The following EML4 variants were observed in gnomAD, a reference collection of about 807,000 sequenced individuals.
EML4 encodes the protein echinoderm microtubule-associated protein-like 4.
In EML4, 72 loss-of-function variants were observed where a neutral mutation model predicts 129.0. The observed-to-expected ratio is 0.56, with a 90% confidence interval of 0.46 to 0.68. EML4 has a LOEUF of 0.68. EML4 is among the 30% of genes least tolerant of loss of function. The pLI is 0.00. For synonymous variants in EML4, 532 were observed against 405.0 expected, an observed-to-expected ratio of 1.31 and a Z score of -3.77; for missense variants, 1,363 against 1,190.6, an observed-to-expected ratio of 1.14 and a Z score of -2.13.
At chr2:42,248,463 G>A (rs1332453386) in intron 2 of EML4, among the ~76,000 whole-genome samples, 2 of 152,148 alleles carry the variant, frequency 1.3e-5, no homozygotes, top group Non-Finnish European at 2.9e-5. Context: ...TATAAATACA[G>A]TTAACTAGCT....
At chr2:42,241,661 C>A (rs186496096) in intron 1 of EML4, among the ~76,000 whole-genome samples, 11 of 152,224 alleles carry the variant, frequency 7.2e-5, no homozygotes, top group Non-Finnish European at 1.2e-4. Context: ...AAGCCCCTTG[C>A]GTGGCTTTGT....
At chr2:42,177,743 G>T in intron 1 of EML4, among the ~76,000 whole-genome samples, 1 of 152,170 alleles carries the variant, frequency 6.6e-6, no homozygotes, top group South Asian at 2.1e-4. Context: ...AGATTCTAGG[G>T]TATTTTCAAG....
intron 1 of EML4, among the ~76,000 whole-genome samples, chr2:42,190,367 A>G (rs940380022): frequency 5.9e-5 from 9 of 152,168 alleles, no homozygotes; most frequent in Admixed American, 4.6e-4. Flanking sequence ...TAGTGATGGC[A>G]AAAGAAACGG....
chr2:42,275,876 G>A (rs1468331691), intron 6 of EML4, among the ~76,000 whole-genome samples: 1 of 151,788 alleles, frequency 6.6e-6, no homozygotes, highest in African/African-American at 2.4e-5. Context: ...TTCCTTTTCT[G>A]GACCACCAGA....
At chr2:42,292,814 T>C (rs1667726386) in intron 11 of EML4, among the ~76,000 whole-genome samples, 1 of 152,230 alleles carries the variant, frequency 6.6e-6, no homozygotes, top group Admixed American at 6.5e-5. Flanking sequence ...GCAATACTCA[T>C]ACGCAAAGTG....
chr2:42,174,453 G>A (rs1186724990), intron 1 of EML4, among the ~76,000 whole-genome samples: 1 of 152,008 alleles, frequency 6.6e-6, no homozygotes, highest in Non-Finnish European at 1.5e-5. Flanking sequence ...ACCACACCTG[G>A]CTAATTTTTG....
chr2:42,241,582 A>G (rs1675035528), intron 1 of EML4, among the ~76,000 whole-genome samples: 1 of 152,128 alleles, frequency 6.6e-6, no homozygotes, highest in Admixed American at 6.5e-5. Flanking sequence ...TCCTGTTCCA[A>G]TCTATTTTCA....
At chr2:42,315,221 A>G (rs193139604) in intron 17 of EML4, among the ~76,000 whole-genome samples, 1 of 152,090 alleles carries the variant, frequency 6.6e-6, no homozygotes, top group African/African-American at 2.4e-5. Context: ...TTCCCTAAGG[A>G]TGTTTTTCTG....
intron 1 of EML4, among the ~76,000 whole-genome samples, chr2:42,204,770 A>G (rs571841889): frequency 1.2e-4 from 18 of 152,298 alleles, no homozygotes; most frequent in African/African-American, 4.1e-4. Flanking sequence ...GAAATGGATG[A>G]TTCTTCTAAC....
chr2:42,298,332 A>G (rs1031939711), intron 13 of EML4, among the ~76,000 whole-genome samples: 1 of 152,172 alleles, frequency 6.6e-6, no homozygotes, highest in African/African-American at 2.4e-5. Flanking sequence ...AGATGAGAAG[A>G]AAGGGTGAGG....
intron 20 of EML4, among the ~76,000 whole-genome samples, chr2:42,325,876 GT>G (rs1267126366): frequency 2.7e-5 from 4 of 150,716 alleles, no homozygotes; most frequent in Admixed American, 2.0e-4. Context: ...GCTCTGAATG[GT>G]TTTTCATTTA....
chr2:42,207,773 A>G (rs1231821369), intron 1 of EML4, among the ~76,000 whole-genome samples: 2 of 152,258 alleles, frequency 1.3e-5, no homozygotes, highest in Admixed American at 6.5e-5. Flanking sequence ...TGAGTTTGGC[A>G]TAATATAAAA....
Position 42,169,423 on chromosome 2 carries a change from G to C in EML4, c.-189G>C. The C allele has an allele frequency of 5.9e-6, 3 of 506,970 alleles. No homozygotes were observed. The highest frequency in any genetic ancestry group is 1.0e-5 in the Non-Finnish European group (3 of 294,478). The allele number at this position is 506,970 out of a possible 1,614,324, so 31.4% of individuals were successfully genotyped here. A position where few individuals can be genotyped will look rare whatever the true frequency, so the allele number is the denominator to read the frequency against. On this transcript the variant is annotated 5_prime_UTR_variant, in exon 1 of 23. Transcript: ENST00000318522. ...TGAGCGGCGCGGCTCTCAACGTGAC[G>C]GGGAAGTGGTTCGGGCGGCCGCGGC... is the stretch of plus-strand genomic sequence containing the variant.
intron 16 of EML4, 41 bp from the exon 17 acceptor site, chr2:42,304,443 T>A: frequency 6.5e-7 from 1 of 1,542,618 alleles, no homozygotes; most frequent in South Asian, 1.1e-5. Context: ...ATAGGGAGAC[T>A]TTCTCATGTA....
chr2:42,315,127 C>A (rs1669173999), intron 17 of EML4, among the ~76,000 whole-genome samples: 1 of 152,146 alleles, frequency 6.6e-6, no homozygotes, highest in African/African-American at 2.4e-5. Flanking sequence ...TTTTTCCCAC[C>A]TCCTTAGCTA....
At chr2:42,219,263 A>G (rs1673402374) in intron 1 of EML4, among the ~76,000 whole-genome samples, 1 of 152,198 alleles carries the variant, frequency 6.6e-6, no homozygotes, top group African/African-American at 2.4e-5. Flanking sequence ...GATTTTTTCA[A>G]CCAAACGTGG....
At chr2:42,201,708 T>C (rs1328404991) in intron 1 of EML4, among the ~76,000 whole-genome samples, 1 of 152,038 alleles carries the variant, frequency 6.6e-6, no homozygotes, top group Admixed American at 6.6e-5. Context: ...TTCTGCTAAG[T>C]GGAATAAGCC....
chr2:42,226,057 C>G (rs1377853230), intron 1 of EML4, among the ~76,000 whole-genome samples: 1 of 151,850 alleles, frequency 6.6e-6, no homozygotes, highest in East Asian at 1.9e-4. Flanking sequence ...GTTACTCATA[C>G]CTTTATGGTA....
chr2:42,210,204 C>T (rs1009606591), intron 1 of EML4, among the ~76,000 whole-genome samples: 1 of 152,128 alleles, frequency 6.6e-6, no homozygotes, highest in Admixed American at 6.5e-5. Context: ...GTCATATCTC[C>T]GTAGGCTCTT....
Sources: gnomAD v4.1 joint callset for allele counts (sites outside exome capture counted in the v4.1 genomes callset) on GRCh38, gnomAD v4.1.1 for gene constraint, MANE v1.5 for transcripts, NCBI Gene and HGNC (gene_info 2026-07-23, HGNC 2026-07-21) for gene names.